Variants in TDRD6 observed in about 807,000 individuals in gnomAD.
TDRD6 encodes tudor domain-containing protein 6.
Under a neutral mutation model 157.5 loss-of-function variants are expected in TDRD6, and 186 were observed. The observed-to-expected ratio is 1.18, with a 90% CI of 1.05 to 1.33. The LOEUF (loss-of-function observed/expected upper bound fraction) is 1.33, where lower values mean the gene tolerates loss of function less well. TDRD6 is among the 40% of genes most tolerant of loss of function. The pLI is 0.00. For missense variants in TDRD6, 3,066 were observed against 2,508.0 expected (o/e 1.22, Z -4.75); for synonymous variants, 1,075 against 945.2 (o/e 1.14, Z -2.52).
rs1264721902 is a variant in TDRD6 at position 46,688,559 on chromosome 6, G to A, written c.431G>A (p.Gly144Asp). ...LVPAGCGAGS[G>D]EPPQHWPADA... ...CCGGCAGGCTGCGGCGCGGGCTCAGGCGAGCCGCCGCAGCACTGGCCCGCC... is the reference window on the plus strand; with the variant it reads ...CCGGCAGGCTGCGGCGCGGGCTCAGACGAGCCGCCGCAGCACTGGCCCGCC... The change falls in exon 1 of 4, where the codon GGC becomes GAC. Residue 144 changes from glycine (G) to aspartate (D), a missense_variant. Transcript: ENST00000316081. 18 of 1,585,178 alleles carry A rather than the reference G, an allele frequency of 1.1e-5. No individual in the cohort carries two copies. The highest frequency in any genetic ancestry group is 1.5e-5 in the Non-Finnish European group (18 of 1,172,406).
rs765850862 is a variant in TDRD6, at chr6:46,689,601, G to A, written c.1473G>A (p.Ala491=). Reference sequence around the variant, plus strand: ...TAAAGATGAATGCCTTCTACGATGCGCAGGTAGAGTTTGTTAAAAATCCTT... The same window carrying A: ...TAAAGATGAATGCCTTCTACGATGCACAGGTAGAGTTTGTTAAAAATCCTT... ...IRLKMNAFYD[A]QVEFVKNPSE... is the part of the protein sequence containing the mutation. Residue 491 remains alanine (A), a synonymous_variant, in exon 1 of 4, where the codon GCG becomes GCA. Transcript: ENST00000316081. The A allele has an allele frequency of 8.7e-6, 14 of 1,614,034 alleles. No individual in the cohort carries two copies. The Middle Eastern group carries it at 6.6e-4, about 76-fold the overall frequency.
chr6:46,688,554 C>CT lies in TDRD6; in HGVS notation c.427dup (p.Ser143PhefsTer17). 6.3e-7 allele frequency: 1 copy of CT among 1,583,728 alleles called. No homozygotes were observed. The highest frequency in any genetic ancestry group is 8.5e-7 in the Non-Finnish European group (1 of 1,171,442). On this transcript the variant is annotated frameshift_variant, in exon 1 of 4. Coordinates refer to ENST00000316081, the MANE Select transcript of TDRD6 (RefSeq NM_001010870.3). LOFTEE classifies it high-confidence loss of function. ...TGGTGCCGGCAGGCTGCGGCGCGGG[C>CT]TCAGGCGAGCCGCCGCAGCACTGGC...
At chr6:46,699,665 TAAA>T (rs1055748318) in intron 3 of TDRD6, among the ~76,000 whole-genome samples, 2 of 150,528 alleles carry the variant, frequency 1.3e-5, no homozygotes, top group Non-Finnish European at 3.0e-5. Flanking sequence ...GACAAAGAAG[TAAA>T]AAAAAAGAAA....
At chr6:46,681,515 T>A in the TDRD6 span, 1 of 470,782 alleles carries the variant, frequency 2.1e-6, no homozygotes, top group Non-Finnish European at 4.4e-6. Flanking sequence ...CCCCATACTT[T>A]ACCCCCAACA....
chr6:46,686,796 G>A (rs948043452), upstream of TDRD6, among the ~76,000 whole-genome samples: 24 of 152,154 alleles, frequency 1.6e-4, no homozygotes, highest in African/African-American at 4.3e-4. Context: ...GGAACCTGTC[G>A]GCTGGTGGGA....
intron 1 of TDRD6, 26 bp downstream of exon 1, chr6:46,694,200 CTTTTT>C (rs55724083): frequency 3.7e-3 from 3,777 of 1,027,404 alleles, no homozygotes; most frequent in South Asian, 6.7e-3. Flanking sequence ...TTCCTTTTTA[CTTTTT>C]TTTTTTTTTT....
chr6:46,691,066 C>T lies in TDRD6; in HGVS notation c.2938C>T (p.His980Tyr). ...GCTACATTCCTACTTCTATTCTACA[C>T]ATGATATGAAAATTGGAAGTGAAGA... ...VQLHSYFYSTHDMKIGSEELV... is the reference protein window; with the variant it reads ...VQLHSYFYSTYDMKIGSEELV... The change falls in exon 1 of 4, where the codon CAT (histidine) becomes TAT (tyrosine). Residue 980 changes from histidine (H) to tyrosine (Y), a missense_variant. His to Tyr is a moderately conservative substitution (Grantham distance 83, BLOSUM62 2). Coordinates refer to ENST00000316081, the MANE Select transcript of TDRD6 (RefSeq NM_001010870.3). 9 of 1,613,772 alleles carry T rather than the reference C, an allele frequency of 5.6e-6. 1 individual carries two copies. The Middle Eastern group carries it at 1.3e-3, about 237-fold the overall frequency.
In TDRD6 at chr6:46,689,540, A is replaced by AAG; in HGVS notation, c.1416_1417dup (p.Ile473ArgfsTer7). On this transcript the variant is annotated frameshift_variant, in exon 1 of 4. Transcript: ENST00000316081. LOFTEE classifies it high-confidence loss of function. ...CAGTCTCCTGCTGAAGAAGTAGATG[A>AAG]AGAGATTTCACTCCCAGCCTTAAGA... 1 of 1,614,102 alleles carries AAG rather than the reference A, an allele frequency of 6.2e-7. No individual in the cohort carries two copies. The highest frequency in any genetic ancestry group is 2.2e-5 in the East Asian group (1 of 44,874).
chr6:46,702,189 A>G lies in TDRD6; in HGVS notation c.*302A>G, dbSNP rs1377840988. 1.3e-5 allele frequency: 3 copies of G among 239,010 alleles called. No individual in the cohort carries two copies. Among genetic ancestry groups the G allele is most frequent in the African/African-American group, 2.3e-5 (1 of 44,382 alleles). The allele number at this position is 239,010 out of a possible 1,614,324, so 14.8% of individuals were successfully genotyped here. A position where few individuals can be genotyped will look rare whatever the true frequency, so the allele number is the denominator to read the frequency against. On this transcript the variant is annotated 3_prime_UTR_variant, in exon 4 of 4. Transcript: ENST00000316081. ...ACTAACACATTACATTTCAAAAACT[A>G]TTTTGGTACCTTTCAAATACAGTGT...
upstream of TDRD6, among the ~76,000 whole-genome samples, chr6:46,685,957 A>G (rs971662730): frequency 2.0e-5 from 3 of 152,172 alleles, no homozygotes; most frequent in Admixed American, 2.0e-4. Flanking sequence ...TCCCTGTCCA[A>G]CAGCAGAGCA....
At position 46,688,874 on chromosome 6, in the gene TDRD6, G is replaced by C; in HGVS notation, c.746G>C (p.Gly249Ala). The part of the protein sequence containing the change: ...LDYFYPQLQL[G>A]VTEAVVITQV... The stretch of plus-strand genomic sequence containing the variant: ...TACTTCTATCCCCAGCTGCAGCTGG[G>C]CGTGACGGAGGCCGTGGTCATAACC... The change falls in exon 1 of 4, where the codon GGC becomes GCC. Residue 249 changes from glycine (G) to alanine (A), a missense_variant. Coordinates refer to ENST00000316081, the MANE Select transcript of TDRD6 (RefSeq NM_001010870.3). The C allele has an allele frequency of 6.2e-7, 1 of 1,608,754 alleles. No homozygotes were observed. The highest frequency in any genetic ancestry group is 8.5e-7 in the Non-Finnish European group (1 of 1,176,706).
upstream of TDRD6, among the ~76,000 whole-genome samples, chr6:46,685,783 T>A (rs965874903): frequency 1.2e-4 from 17 of 138,780 alleles, no homozygotes; most frequent in African/African-American, 4.6e-4. Flanking sequence ...AAAAAAAAAA[T>A]CCCCTCTCCC....
chr6:46,688,451 G>T lies in TDRD6; in HGVS notation c.323G>T (p.Gly108Val). 6.5e-7 allele frequency: 1 copy of T among 1,543,084 alleles called. No homozygotes were observed. The change falls in exon 1 of 4, where the codon GGA (glycine) becomes GTA (valine). Residue 108 changes from glycine (G) to valine (V), a missense_variant. Gly to Val is a moderately radical substitution (Grantham distance 109). Coordinates refer to ENST00000316081, the MANE Select transcript of TDRD6 (RefSeq NM_001010870.3). ...LLDEGRTITA[G>V]AGSLAPGRRE... ...GACGAGGGCCGCACCATCACGGCCG[G>T]AGCAGGCTCGCTGGCGCCTGGGCGC... is the stretch of plus-strand genomic sequence containing the variant.
Position 46,689,410 on chromosome 6 carries a change from G to A in TDRD6, c.1282G>A (p.Gly428Arg). ...VYYVSLYGED[G>R]INLNRVFGVQ... is the part of the protein sequence containing the mutation. Reference sequence around the variant, plus strand: ...TTATGTCAGCCTGTATGGAGAAGATGGGATTAATCTGAACCGTGTGTTTGG... The same window carrying A: ...TTATGTCAGCCTGTATGGAGAAGATAGGATTAATCTGAACCGTGTGTTTGG... The change falls in exon 1 of 4, where the codon GGG (glycine) becomes AGG (arginine). Residue 428 changes from glycine (G) to arginine (R), a missense_variant. Coordinates refer to ENST00000316081, the MANE Select transcript of TDRD6 (RefSeq NM_001010870.3). 1 of 1,613,654 alleles carries A rather than the reference G, an allele frequency of 6.2e-7. No individual in the cohort carries two copies. The highest frequency in any genetic ancestry group is 8.5e-7 in the Non-Finnish European group (1 of 1,180,030).
Position 46,688,550 on chromosome 6 carries a change from CG to C in TDRD6, c.425del (p.Gly142AlafsTer109). 1 of 1,580,132 alleles carries C rather than the reference CG, an allele frequency of 6.3e-7. No individual in the cohort carries two copies. On this transcript the variant is annotated frameshift_variant, in exon 1 of 4. Transcript: ENST00000316081. LOFTEE classifies it high-confidence loss of function. ...GGCCTGGTGCCGGCAGGCTGCGGCG[CG>C]GGCTCAGGCGAGCCGCCGCAGCACT... is the stretch of plus-strand genomic sequence containing the variant. The part of the protein sequence containing the change: ...LAGLVPAGCG[A>X]GSGEPPQHWP...
chr6:46,684,764 G>C (rs557552703), upstream of TDRD6, among the ~76,000 whole-genome samples: 1 of 152,200 alleles, frequency 6.6e-6, no homozygotes, highest in South Asian at 2.1e-4. Flanking sequence ...CCATCGAAGG[G>C]CATTTAGGTT....
chr6:46,692,461 G>A lies in TDRD6; in HGVS notation c.4333G>A (p.Ala1445Thr). 2 of 1,613,910 alleles carry A rather than the reference G, an allele frequency of 1.2e-6. No individual in the cohort carries two copies. The highest frequency in any genetic ancestry group is 1.1e-5 in the South Asian group (1 of 91,078). Residue 1445 changes from alanine to threonine, a missense_variant, in exon 1 of 4, where the codon GCT (alanine) becomes ACT (threonine). Ala to Thr is a moderately conservative substitution (Grantham distance 58). Coordinates refer to ENST00000316081, the MANE Select transcript of TDRD6 (RefSeq NM_001010870.3). ...MHYFSQRTSE[A>T]AIRCEFVKFQ... ...TTACTTTTCCCAACGGACCAGCGAG[G>A]CTGCAATAAGATGTGAATTTGTTAA...
chr6:46,692,591 C>T lies in TDRD6; in HGVS notation c.4463C>T (p.Ser1488Phe). 2 of 1,613,610 alleles carry T rather than the reference C, an allele frequency of 1.2e-6. No individual in the cohort carries two copies. Among genetic ancestry groups the T allele is most frequent in the Non-Finnish European group, 1.7e-6 (2 of 1,179,852 alleles). ...ALSEKSQVEL[S>F]TQVIKSASSK... ...AGTGAAAAATCTCAAGTAGAACTTT[C>T]TACCCAAGTAATTAAAAGTGCCAGT... Residue 1488 changes from serine to phenylalanine, a missense_variant, in exon 1 of 4, where the codon TCT becomes TTT. Ser to Phe is a radical substitution (Grantham distance 155, BLOSUM62 -2). Transcript: ENST00000316081.
chr6:46,686,464 T>C (rs1764095940), upstream of TDRD6, among the ~76,000 whole-genome samples: 2 of 124,408 alleles, frequency 1.6e-5, no homozygotes, highest in Non-Finnish European at 1.7e-5. Flanking sequence ...AATATAATAA[T>C]ATAGAAGTAT....
Sources: allele counts gnomAD v4.1 joint callset (sites outside exome capture counted in the v4.1 genomes callset), GRCh38; gene constraint gnomAD v4.1.1; transcripts MANE v1.5; gene names NCBI Gene and HGNC (gene_info 2026-07-23, HGNC 2026-07-21).